OSMR: variants seen among roughly 807,000 people sequenced by gnomAD.
OSMR encodes oncostatin-M-specific receptor subunit beta.
Under a neutral mutation model 99.9 loss-of-function variants are expected in OSMR, and 81 were observed. The observed-to-expected ratio is 0.81, with a 90% CI of 0.68 to 0.97. The LOEUF (loss-of-function observed/expected upper bound fraction) is 0.97, where lower values mean the gene tolerates loss of function less well. Ranked by LOEUF, OSMR falls within the 50% of genes least tolerant of loss-of-function variation. OSMR has a pLI of 0.00. For synonymous variants in OSMR, 406 were observed against 410.4 expected, an observed-to-expected ratio of 0.99 and a Z score of 0.13; for missense variants, 1,099 against 1,153.4, an observed-to-expected ratio of 0.95 and a Z score of 0.68.
At chr5:38,942,702 C>G (rs948627123) in intron 1 of OSMR, 1 of 703,310 alleles carries the variant, frequency 1.4e-6, no homozygotes, top group African/African-American at 1.8e-5. Flanking sequence ...GCAATTCTCC[C>G]GCGCTGACCC....
At position 38,931,978 on chromosome 5, in the gene OSMR, G is replaced by C. The variant is rs1375353223; in HGVS notation, c.2294+14G>C. On this transcript the variant is annotated intron_variant, in intron 16 of 17. Transcript: ENST00000274276. The stretch of plus-strand genomic sequence containing the variant: ...GAAAAGTCAGTGGTAAGTGTGTGAG[G>C]AAGGTTTTATCCAAGAAGAGAGTAA... The C allele has an allele frequency of 2.5e-6, 4 of 1,598,722 alleles. No individual in the cohort carries two copies. Among genetic ancestry groups the C allele is most frequent in the Non-Finnish European group, 3.4e-6 (4 of 1,166,202 alleles).
At chr5:38,885,521 C>A in intron 6 of OSMR, 37 bp downstream of exon 6, 1 of 1,613,114 alleles carries the variant, frequency 6.2e-7, no homozygotes, top group South Asian at 1.1e-5. Context: ...ACAACTTCTT[C>A]CTTGCTTGAG....
At chr5:38,856,953 ATC>A (rs1398495365) in intron 1 of OSMR, among the ~76,000 whole-genome samples, 1 of 152,198 alleles carries the variant, frequency 6.6e-6, no homozygotes, top group Non-Finnish European at 1.5e-5. Context: ...AGACAAGACT[ATC>A]TTGATGATTC....
intron 7 of OSMR, among the ~76,000 whole-genome samples, chr5:38,898,768 G>A (rs1579737083): frequency 6.6e-6 from 1 of 151,254 alleles, no homozygotes; most frequent in Non-Finnish European, 1.5e-5. Flanking sequence ...TTGCATATTC[G>A]TTATACATAT....
chr5:38,854,941 G>A (rs1740723760), intron 1 of OSMR, among the ~76,000 whole-genome samples: 1 of 152,238 alleles, frequency 6.6e-6, no homozygotes, highest in Non-Finnish European at 1.5e-5. Context: ...GGAAGTAGCA[G>A]TGCTCCTCAC....
intron 1 of OSMR, among the ~76,000 whole-genome samples, chr5:38,862,689 G>C (rs532823379): frequency 3.3e-5 from 5 of 151,018 alleles, no homozygotes; most frequent in Non-Finnish European, 4.4e-5. Flanking sequence ...ATGGGCTGCC[G>C]GGCAGAGACG....
At chr5:38,856,116 G>C (rs929446154) in intron 1 of OSMR, among the ~76,000 whole-genome samples, 2 of 152,144 alleles carry the variant, frequency 1.3e-5, no homozygotes, top group Non-Finnish European at 2.9e-5. Context: ...TGGCACACTT[G>C]GAATAGGACA....
In OSMR at chr5:38,876,211, A is replaced by G; in HGVS notation, c.84A>G (p.Glu28=). The G allele has an allele frequency of 1.2e-6, 2 of 1,613,200 alleles. No homozygotes were observed. The highest frequency in any genetic ancestry group is 1.7e-6 in the Non-Finnish European group (2 of 1,179,282). Residue 28 remains glutamate (E), a synonymous_variant, in exon 3 of 18, where the codon GAA becomes GAG. Coordinates refer to ENST00000274276, the MANE Select transcript of OSMR (RefSeq NM_003999.3). ...TTTTGATCTTTTCAGTCTTGGCTGA[A>G]CGTTTACCATTGACTCCTGTATCAC... is the stretch of plus-strand genomic sequence containing the variant. ...LRTYQSEVLA[E]RLPLTPVSLK...
chr5:38,882,802 T>A (rs1183333880), intron 4 of OSMR, among the ~76,000 whole-genome samples: 1 of 152,252 alleles, frequency 6.6e-6, no homozygotes, highest in Admixed American at 6.5e-5. Flanking sequence ...CATATTTAGT[T>A]CTCATGTCAG....
rs938262153 is a variant in OSMR at position 38,886,733 on chromosome 5, T to G, written c.991+543T>G. On this transcript the variant is annotated intron_variant, in intron 7 of 17. Transcript: ENST00000274276. ...ATTGTGTAAATATTAAATATTTTATTCATGCATCCCCTTTGATGGATTTGC... is the reference window on the plus strand; with the variant it reads ...ATTGTGTAAATATTAAATATTTTATGCATGCATCCCCTTTGATGGATTTGC... 5.2e-5 allele frequency: 8 copies of G among 152,810 alleles called. 1 individual carries two copies. Among genetic ancestry groups the G allele is most frequent in the African/African-American group, 1.7e-4 (7 of 41,584 alleles). 9.5% of individuals were successfully genotyped at this position (152,810 alleles called of 1,614,324 possible).
chr5:38,876,578 G>A (rs1742858674), intron 3 of OSMR, among the ~76,000 whole-genome samples: 1 of 152,166 alleles, frequency 6.6e-6, no homozygotes, highest in African/African-American at 2.4e-5. Flanking sequence ...GGTAGGATGG[G>A]ATGCACTAAG....
At chr5:38,857,412 C>A (rs1740936242) in intron 1 of OSMR, among the ~76,000 whole-genome samples, 1 of 152,014 alleles carries the variant, frequency 6.6e-6, no homozygotes, top group Non-Finnish European at 1.5e-5. Context: ...TTTGACTTCC[C>A]CTTGCTTATG....
In OSMR at chr5:38,917,045, G is replaced by A. The variant is rs143992636; in HGVS notation, c.1286-501G>A. ...CAGGCAAGGTGCTGGGAGGAGGAGT[G>A]GGATGAGGCCTGCCCAGTGGAGGGA... On this transcript the variant is annotated intron_variant, in intron 9 of 17. Coordinates refer to ENST00000274276, the MANE Select transcript of OSMR (RefSeq NM_003999.3). Among the ~76,000 whole-genome samples the A allele has an allele frequency of 2.2e-3, 336 of 152,150 alleles. 2 individuals are homozygous for A. Among genetic ancestry groups the A allele is most frequent in the African/African-American group, 7.8e-3 (324 of 41,516 alleles).
exon 3 of OSMR, chr5:38,945,071 G>C (rs376583904): frequency 6.3e-7 from 1 of 1,579,906 alleles, no homozygotes. Context: ...TTGAAAGTCT[G>C]AAGAAAAAAA....
intron 3 of OSMR, among the ~76,000 whole-genome samples, chr5:38,878,143 G>A (rs1258433262): frequency 6.6e-6 from 1 of 152,120 alleles, no homozygotes; most frequent in Non-Finnish European, 1.5e-5. Flanking sequence ...GTCACATGCA[G>A]CCCCCAGGCC....
chr5:38,926,640 C>G (rs1264345603), intron 15 of OSMR, among the ~76,000 whole-genome samples: 1 of 152,212 alleles, frequency 6.6e-6, no homozygotes, highest in Non-Finnish European at 1.5e-5. Flanking sequence ...CACGGGGTCC[C>G]TCCCAGGACA....
intron 1 of OSMR, among the ~76,000 whole-genome samples, chr5:38,853,407 G>A (rs907505126): frequency 7.2e-5 from 11 of 152,162 alleles, no homozygotes; most frequent in Non-Finnish European, 1.5e-4. Context: ...GAAACCTAGA[G>A]GGGTTAAATC....
At chr5:38,902,479 T>C (rs943468678) in intron 7 of OSMR, among the ~76,000 whole-genome samples, 10 of 152,200 alleles carry the variant, frequency 6.6e-5, no homozygotes, top group Admixed American at 5.2e-4. Flanking sequence ...CAGTTTAATT[T>C]TTCCCCTAAA....
At position 38,934,662 on chromosome 5, in the gene OSMR, A is replaced by T. The variant is rs1468303349; in HGVS notation, c.*1218A>T. 1.3e-5 allele frequency: 2 copies of T among 151,604 alleles called. No individual in the cohort carries two copies. Among genetic ancestry groups the T allele is most frequent in the Non-Finnish European group, 2.9e-5 (2 of 67,902 alleles). 9.4% of individuals were successfully genotyped at this position (151,604 alleles called of 1,614,324 possible). A position where few individuals can be genotyped will look rare whatever the true frequency, so the allele number is the denominator to read the frequency against. On this transcript the variant is annotated 3_prime_UTR_variant, in exon 18 of 18. Transcript: ENST00000274276. ...TAGGACTCCAGGTGCATGCTACCAC[A>T]CCTGACTAGTTTTTATATTTTTAGT...
Sources: gnomAD v4.1 joint callset for allele counts (sites outside exome capture counted in the v4.1 genomes callset) on GRCh38, gnomAD v4.1.1 for gene constraint, MANE v1.5 for transcripts, NCBI Gene and HGNC (gene_info 2026-07-23, HGNC 2026-07-21) for gene names.